Variants in PRKCA observed in about 807,000 individuals in gnomAD.
PRKCA encodes protein kinase C alpha type.
A neutral mutation model predicts 87.0 loss-of-function variants in PRKCA; 27 were observed. The observed-to-expected ratio is 0.31, with a 90% CI of 0.23 to 0.43. The LOEUF (loss-of-function observed/expected upper bound fraction) is 0.43, where lower values mean the gene tolerates loss of function less well. Among genes scored for constraint, PRKCA ranks in the 20% least tolerant of loss-of-function variants. PRKCA has a pLI of 1.00. For missense variants in PRKCA, 518 were observed against 852.3 expected (o/e 0.61, Z 4.88); for synonymous variants, 329 against 311.1 (o/e 1.06, Z -0.61).
rs79805883 is a variant in PRKCA, at chr17:66,388,802, C to T, written c.205+82675C>T. Among the ~76,000 whole-genome samples the T allele has an allele frequency of 1.6e-4, 25 of 152,272 alleles. No homozygotes were observed. In the East Asian group the frequency reaches 4.2e-3, roughly 26 times the overall value. On this transcript the variant is annotated intron_variant, in intron 2 of 16. Transcript: ENST00000413366. ...AAGACCCAGGGTCGTGGAGAGACGG[C>T]ACTTGTGTGGGTCACAGAGTTGGAG...
chr17:66,390,617 C>T (rs557009658), intron 2 of PRKCA, among the ~76,000 whole-genome samples: 1 of 152,310 alleles, frequency 6.6e-6, no homozygotes, highest in African/African-American at 2.4e-5. Flanking sequence ...CAAATTGACC[C>T]TCTTGGTGAT....
intron 2 of PRKCA, among the ~76,000 whole-genome samples, chr17:66,380,747 T>C (rs1182139132): frequency 6.6e-6 from 1 of 152,158 alleles, no homozygotes; most frequent in African/African-American, 2.4e-5. Context: ...GAAAAGCAAT[T>C]GTAGAACTGG....
At chr17:66,382,076 A>G (rs1489588027) in intron 2 of PRKCA, among the ~76,000 whole-genome samples, 1 of 152,090 alleles carries the variant, frequency 6.6e-6, no homozygotes, top group Non-Finnish European at 1.5e-5. Context: ...TTAACTTTGC[A>G]CAGATGGAGC....
At position 66,336,524 on chromosome 17, in the gene PRKCA, GTATTTTTTCTTA is replaced by G. The variant is rs1906670085; in HGVS notation, c.205+30400_205+30411del. 2.7e-5 allele frequency among the ~76,000 whole-genome samples: 4 copies of G among 150,034 alleles called. No homozygotes were observed. In the South Asian group the frequency reaches 8.6e-4, roughly 32 times the overall value. Reference sequence around the variant, plus strand: ...AGATGTAAACTAAAGTTGGCCATTTGTATTTTTTCTTATAGGATTTGGCTATTCATTGTGCTT... The same window carrying G: ...AGATGTAAACTAAAGTTGGCCATTTGTAGGATTTGGCTATTCATTGTGCTT... On this transcript the variant is annotated intron_variant, in intron 2 of 16. Coordinates refer to ENST00000413366, the MANE Select transcript of PRKCA (RefSeq NM_002737.3).
intron 3 of PRKCA, among the ~76,000 whole-genome samples, chr17:66,591,731 G>A (rs943707742): frequency 6.6e-6 from 1 of 152,118 alleles, no homozygotes; most frequent in African/African-American, 2.4e-5. Flanking sequence ...TGTTGCCCTC[G>A]ACAGCCTTGT....
intron 5 of PRKCA, among the ~76,000 whole-genome samples, chr17:66,670,959 C>T (rs1040686978): frequency 2.0e-5 from 3 of 151,810 alleles, no homozygotes; most frequent in Admixed American, 2.0e-4. Context: ...TGCCTGTAAT[C>T]CCAGCACTTT....
At chr17:66,320,205 A>G (rs1402419043) in intron 2 of PRKCA, among the ~76,000 whole-genome samples, 1 of 152,180 alleles carries the variant, frequency 6.6e-6, no homozygotes, top group Non-Finnish European at 1.5e-5. Flanking sequence ...AGAACTGGCT[A>G]TAAGAGTTAA....
chr17:66,645,248 A>T (rs1004582618), intron 4 of PRKCA, 135 bp from the exon 5 acceptor site: 1 of 1,194,376 alleles, frequency 8.4e-7, no homozygotes, highest in Non-Finnish European at 1.2e-6. Flanking sequence ...ACAGTTCTTT[A>T]TGTCACCAAA....
At chr17:66,307,111 G>A (rs1904856332) in intron 2 of PRKCA, among the ~76,000 whole-genome samples, 1 of 152,100 alleles carries the variant, frequency 6.6e-6, no homozygotes, top group Non-Finnish European at 1.5e-5. Flanking sequence ...TTGTGAACTT[G>A]TTTCTTGTAT....
intron 5 of PRKCA, among the ~76,000 whole-genome samples, chr17:66,662,701 A>C (rs1300322792): frequency 6.7e-6 from 1 of 150,294 alleles, no homozygotes; most frequent in Non-Finnish European, 1.5e-5. Context: ...AGGCTTTTCC[A>C]GGTGAAAATC....
chr17:66,753,216 A>G (rs979653718), intron 13 of PRKCA, among the ~76,000 whole-genome samples: 97 of 152,186 alleles, frequency 6.4e-4, no homozygotes, highest in Admixed American at 1.9e-3. Context: ...TTATAGGGTT[A>G]GAGTCTGCAG....
chr17:66,621,089 C>T (rs543313641), intron 3 of PRKCA, among the ~76,000 whole-genome samples: 3 of 152,134 alleles, frequency 2.0e-5, no homozygotes, highest in Non-Finnish European at 4.4e-5. Flanking sequence ...ACTCAAAGTT[C>T]TGTAGAGAAG....
At chr17:66,686,734 G>C (rs1173064880) in intron 5 of PRKCA, among the ~76,000 whole-genome samples, 1 of 152,124 alleles carries the variant, frequency 6.6e-6, no homozygotes, top group East Asian at 1.9e-4. Context: ...CAGGGAGGGT[G>C]CACCATTACT....
rs35431248 is a variant in PRKCA at position 66,374,719 on chromosome 17, CTTTTTTTTT to C, written c.205+68604_205+68612del. Among the ~76,000 whole-genome samples, 9 of 115,814 alleles carry C rather than the reference CTTTTTTTTT, an allele frequency of 7.8e-5. No homozygotes were observed. In the South Asian group the frequency reaches 1.2e-3, roughly 15 times the overall value. The allele number at this position is 115,814 out of a possible 152,430, so 76.0% of individuals were successfully genotyped here. A position where few individuals can be genotyped will look rare whatever the true frequency, so the allele number is the denominator to read the frequency against. On this transcript the variant is annotated intron_variant, in intron 2 of 16. Transcript: ENST00000413366. ...TAAGTGCAGGGTGCTGAGTTGCATT[CTTTTTTTTT>C]TTTTTTTTTTTCTTTCTGAGACACG...
intron 14 of PRKCA, among the ~76,000 whole-genome samples, chr17:66,783,845 A>G (rs1975306536): frequency 6.6e-6 from 1 of 152,112 alleles, no homozygotes. Context: ...GCACCTCCAG[A>G]GAGGCTGATT....
intron 2 of PRKCA, among the ~76,000 whole-genome samples, chr17:66,404,401 TATG>T (rs1033166839): frequency 4.6e-5 from 7 of 152,248 alleles, no homozygotes; most frequent in African/African-American, 1.7e-4. Flanking sequence ...GAAAGCTTCC[TATG>T]ATAATACATT....
intron 2 of PRKCA, among the ~76,000 whole-genome samples, chr17:66,334,672 T>C (rs1296052374): frequency 2.0e-5 from 3 of 152,212 alleles, no homozygotes; most frequent in African/African-American, 7.2e-5. Flanking sequence ...TGTAAAATAG[T>C]GCAGCTGCTG....
At chr17:66,382,328 G>T (rs1477725086) in intron 2 of PRKCA, among the ~76,000 whole-genome samples, 1 of 152,096 alleles carries the variant, frequency 6.6e-6, no homozygotes, top group Non-Finnish European at 1.5e-5. Context: ...TTTAGACAGA[G>T]TCTCACTCTG....
At chr17:66,789,049 C>G in intron 16 of PRKCA, 70 bp downstream of exon 16, 1 of 1,561,982 alleles carries the variant, frequency 6.4e-7, no homozygotes, top group Non-Finnish European at 8.6e-7. Flanking sequence ...CCACTCACCT[C>G]TTTTCTTGGA....
Sources: allele counts gnomAD v4.1 joint callset (sites outside exome capture counted in the v4.1 genomes callset), GRCh38; gene constraint gnomAD v4.1.1; transcripts MANE v1.5; gene names NCBI Gene and HGNC (gene_info 2026-07-23, HGNC 2026-07-21).